HM13: variants seen among roughly 807,000 people sequenced by gnomAD.
HM13 encodes signal peptide peptidase.
In HM13, 18 loss-of-function variants were observed where a neutral mutation model predicts 50.0. The observed-to-expected ratio is 0.36, with a 90% CI of 0.25 to 0.53. The LOEUF (loss-of-function observed/expected upper bound fraction) is 0.53. Among genes scored for constraint, HM13 ranks in the 20% least tolerant of loss-of-function variants. HM13 has a pLI of 0.90. For missense variants in HM13, 393 were observed against 552.4 expected (o/e 0.71, Z 2.89); for synonymous variants, 197 against 232.6 (o/e 0.85, Z 1.39).
chr20:31,556,887 C>T (rs890274190), intron 8 of HM13, among the ~76,000 whole-genome samples: 38 of 151,754 alleles, frequency 2.5e-4, no homozygotes, highest in Non-Finnish European at 5.3e-4. Flanking sequence ...GGCGTAGTGG[C>T]GGGCGCGTGT....
chr20:31,526,175 T>A (rs889522241), intron 1 of HM13, among the ~76,000 whole-genome samples: 3 of 144,728 alleles, frequency 2.1e-5, no homozygotes, highest in Non-Finnish European at 4.5e-5. Context: ...TTTTTTTTTT[T>A]AGACGGAGTC....
Position 31,569,288 on chromosome 20 carries a change from C to A in HM13, c.*69C>A. The A allele has an allele frequency of 8.9e-7, 1 of 1,128,942 alleles. No individual in the cohort carries two copies. 69.9% of individuals were successfully genotyped at this position (1,128,942 alleles called of 1,614,324 possible). A position where few individuals can be genotyped will look rare whatever the true frequency, so the allele number is the denominator to read the frequency against. On this transcript the variant is annotated 3_prime_UTR_variant, in exon 13 of 13. Transcript: ENST00000398174. ...GGGGCTGGGCCCACACAGGCGTGCA[C>A]CGGTAGAGGGCACAGGAGGCCAAGG...
At chr20:31,539,097 A>G (rs1417659464) in intron 3 of HM13, 1 of 985,354 alleles carries the variant, frequency 1.0e-6, no homozygotes, top group African/African-American at 1.7e-5. Flanking sequence ...AAACTGCCAC[A>G]TGCTCGTGTC....
chr20:31,542,932 C>T (rs1429814263), intron 3 of HM13, among the ~76,000 whole-genome samples: 2 of 152,120 alleles, frequency 1.3e-5, no homozygotes, highest in Non-Finnish European at 2.9e-5. Context: ...AGTCTGGCTC[C>T]GGAGTCCATG....
At chr20:31,534,851 C>T (rs1207748397) in intron 2 of HM13, among the ~76,000 whole-genome samples, 2 of 151,978 alleles carry the variant, frequency 1.3e-5, no homozygotes, top group Non-Finnish European at 2.9e-5. Flanking sequence ...TTTGGGAGGC[C>T]GAGGCGGGCA....
At chr20:31,557,974 C>T (rs1175907336) in intron 8 of HM13, among the ~76,000 whole-genome samples, 1 of 152,184 alleles carries the variant, frequency 6.6e-6, no homozygotes, top group Non-Finnish European at 1.5e-5. Context: ...TCCCAAAGTG[C>T]TGGGATTGCA....
At chr20:31,568,037 T>C (rs1985022566) in intron 11 of HM13, 41 bp from the exon 12 acceptor site, 2 of 1,507,606 alleles carry the variant, frequency 1.3e-6, no homozygotes, top group Non-Finnish European at 1.8e-6. Context: ...TCTTTCCCTA[T>C]CCATCTCTTT....
intron 2 of HM13, among the ~76,000 whole-genome samples, chr20:31,536,370 G>A (rs990880218): frequency 6.6e-6 from 1 of 151,832 alleles, no homozygotes; most frequent in Non-Finnish European, 1.5e-5. Flanking sequence ...TCTCGGGGAG[G>A]GTGGGGGTCA....
chr20:31,535,986 G>A (rs1405905465), intron 2 of HM13, among the ~76,000 whole-genome samples: 5 of 152,176 alleles, frequency 3.3e-5, no homozygotes, highest in Non-Finnish European at 5.9e-5. Flanking sequence ...TAGCTCAGCC[G>A]AAACTCCAGG....
At chr20:31,561,194 G>A (rs369628757) in intron 9 of HM13, among the ~76,000 whole-genome samples, 268 of 152,252 alleles carry the variant, frequency 1.8e-3, no homozygotes, top group African/African-American at 6.1e-3. Context: ...ATGATCCAAC[G>A]GTATGAGATT....
intron 3 of HM13, chr20:31,540,162 C>G (rs1223767376): frequency 6.6e-6 from 1 of 152,258 alleles, no homozygotes; most frequent in African/African-American, 2.4e-5. Flanking sequence ...TGACTCTTCA[C>G]CCACAAAATT....
chr20:31,515,331 C>A (rs951759100), intron 1 of HM13, among the ~76,000 whole-genome samples: 4 of 152,178 alleles, frequency 2.6e-5, no homozygotes, highest in African/African-American at 9.7e-5. Flanking sequence ...TCTTAGAGCC[C>A]AGTTTTTCAC....
intron 7 of HM13, among the ~76,000 whole-genome samples, chr20:31,551,889 CA>C (rs1984052116): frequency 6.6e-6 from 1 of 152,180 alleles, no homozygotes; most frequent in African/African-American, 2.4e-5. Flanking sequence ...TTAGTGACCC[CA>C]GAGGAAAACA....
intron 7 of HM13, among the ~76,000 whole-genome samples, chr20:31,553,301 A>AC (rs1042802830): frequency 2.6e-5 from 4 of 151,644 alleles, no homozygotes; most frequent in Non-Finnish European, 5.9e-5. Flanking sequence ...ATCTCAAAAA[A>AC]AAAAAAAAAA....
chr20:31,519,736 A>G (rs994125505), intron 1 of HM13, among the ~76,000 whole-genome samples: 4 of 152,006 alleles, frequency 2.6e-5, no homozygotes, highest in Admixed American at 6.6e-5. Context: ...GTCTTTTGCT[A>G]TTACAAACCA....
intron 8 of HM13, among the ~76,000 whole-genome samples, chr20:31,557,154 G>A (rs1244147137): frequency 1.3e-5 from 2 of 152,232 alleles, no homozygotes; most frequent in East Asian, 1.9e-4. Flanking sequence ...GAGGCCACGA[G>A]GGTATGGGCT....
chr20:31,550,050 T>C lies in HM13; in HGVS notation c.667-14T>C. On this transcript the variant is annotated splice_polypyrimidine_tract_variant and intron_variant, in intron 6 of 12. Transcript: ENST00000398174. ...CTCACTTCCCTTCATACTGCTCTTTTTTTCTCCTTCTAGGTATTTGGCACC... is the reference window on the plus strand; with the variant it reads ...CTCACTTCCCTTCATACTGCTCTTTCTTTCTCCTTCTAGGTATTTGGCACC... 1.2e-6 allele frequency: 2 copies of C among 1,610,770 alleles called. No individual in the cohort carries two copies. The highest frequency in any genetic ancestry group is 1.1e-5 in the South Asian group (1 of 91,000).
intron 1 of HM13, among the ~76,000 whole-genome samples, chr20:31,523,045 G>GGT (rs1555838862): frequency 6.7e-6 from 1 of 149,378 alleles, no homozygotes; most frequent in Admixed American, 6.6e-5. Flanking sequence ...GTTTTTTTTG[G>GGT]GAGGGGGGCT....
chr20:31,525,057 G>A (rs1982408499), intron 1 of HM13, among the ~76,000 whole-genome samples: 2 of 152,066 alleles, frequency 1.3e-5, no homozygotes, highest in African/African-American at 2.4e-5. Context: ...GGAAATTTCA[G>A]TCTAATGCAT....
Sources: allele counts gnomAD v4.1 joint callset (sites outside exome capture counted in the v4.1 genomes callset), GRCh38; gene constraint gnomAD v4.1.1; transcripts MANE v1.5; gene names NCBI Gene and HGNC (gene_info 2026-07-23, HGNC 2026-07-21).